Variants in ZMAT4 observed in about 807,000 individuals in gnomAD.
The protein encoded by ZMAT4 is zinc finger matrin-type protein 4.
Under a neutral mutation model 28.7 loss-of-function variants are expected in ZMAT4, and 17 were observed. That is an observed-to-expected ratio of 0.59 (90% confidence interval 0.41 to 0.89). ZMAT4 has a LOEUF of 0.89. ZMAT4 is among the 40% of genes least tolerant of loss of function. The pLI is 0.00. For synonymous variants in ZMAT4, 117 were observed against 109.2 expected (o/e 1.07, Z -0.44); for missense variants, 240 against 283.8 (o/e 0.85, Z 1.11).
intron 5 of ZMAT4, among the ~76,000 whole-genome samples, chr8:40,662,427 C>A (rs977867270): frequency 6.6e-6 from 1 of 152,106 alleles, no homozygotes; most frequent in Non-Finnish European, 1.5e-5. Flanking sequence ...TGTTTAAAAT[C>A]CGGATAGGTT....
chr8:40,671,897 A>G (rs1290780740), intron 5 of ZMAT4, among the ~76,000 whole-genome samples: 1 of 152,344 alleles, frequency 6.6e-6, no homozygotes, highest in East Asian at 1.9e-4. Context: ...AATGATTGCC[A>G]TGTTAAGAAT....
chr8:40,572,938 G>T (rs2599677), intron 6 of ZMAT4, among the ~76,000 whole-genome samples: 30,684 of 151,984 alleles, frequency 0.2, 3,777 homozygotes, highest in Non-Finnish European at 0.27. Context: ...CCTGACTTTT[G>T]CCTCTGCTAA....
rs575523265 is a variant in ZMAT4 at position 40,763,074 on chromosome 8, T to C, written c.192+4567A>G. The stretch of plus-strand genomic sequence containing the variant: ...GTCACTTTCCCCAGGAAAACTTATC[T>C]AGCCCCATCGTATCAGGAGAGGCCA... On this transcript the variant is annotated intron_variant, in intron 3 of 6. Transcript: ENST00000297737. 3.9e-5 allele frequency among the ~76,000 whole-genome samples: 6 copies of C among 152,322 alleles called. No individual in the cohort carries two copies. In the East Asian group the frequency reaches 9.7e-4, roughly 25 times the overall value.
At chr8:40,778,999 T>A (rs1563478373) in intron 2 of ZMAT4, among the ~76,000 whole-genome samples, 1 of 152,222 alleles carries the variant, frequency 6.6e-6, no homozygotes, top group Non-Finnish European at 1.5e-5. Flanking sequence ...CTGTATTTAA[T>A]CAATACTAAT....
chr8:40,884,004 T>C (rs759630995), intron 1 of ZMAT4, among the ~76,000 whole-genome samples: 7 of 152,134 alleles, frequency 4.6e-5, no homozygotes, highest in Non-Finnish European at 1.0e-4. Context: ...CCTTTTAATT[T>C]TGATTTAGAG....
chr8:40,659,018 G>T (rs1808062972), intron 5 of ZMAT4, among the ~76,000 whole-genome samples: 2 of 152,112 alleles, frequency 1.3e-5, no homozygotes, highest in Admixed American at 1.3e-4. Flanking sequence ...AGTAGAAATG[G>T]ATCCCCAAGA....
rs1160845372 is a variant in ZMAT4, at chr8:40,530,592, T to G, written c.*1631A>C. The G allele has an allele frequency of 6.6e-6, 1 of 152,282 alleles. No individual in the cohort carries two copies. Among genetic ancestry groups the G allele is most frequent in the Non-Finnish European group, 1.5e-5 (1 of 68,008 alleles). The allele number at this position is 152,282 out of a possible 1,614,324, so 9.4% of individuals were successfully genotyped here. ...ACTAAACCCAAACTGAAACAGTGTTTTGTTGTTGCTGCTGTTTTTACTCGG... is the reference window on the plus strand; with the variant it reads ...ACTAAACCCAAACTGAAACAGTGTTGTGTTGTTGCTGCTGTTTTTACTCGG... On this transcript the variant is annotated 3_prime_UTR_variant, in exon 7 of 7. Coordinates refer to ENST00000297737, the MANE Select transcript of ZMAT4 (RefSeq NM_024645.3).
Position 40,814,092 on chromosome 8 carries a change from G to A in ZMAT4, c.102+11483C>T, listed in dbSNP as rs906701404. Among the ~76,000 whole-genome samples, 24 of 151,636 alleles carry A rather than the reference G, an allele frequency of 1.6e-4. No individual in the cohort carries two copies. The East Asian group carries it at 4.3e-3, about 27-fold the overall frequency. On this transcript the variant is annotated intron_variant, in intron 2 of 6. Coordinates refer to ENST00000297737, the MANE Select transcript of ZMAT4 (RefSeq NM_024645.3). ...CCTGAACAGGTGCAGTTACGCATTC[G>A]TAGGATCCTCTGAGAAAGTGATAGC...
intron 5 of ZMAT4, among the ~76,000 whole-genome samples, chr8:40,588,355 A>C (rs1477838153): frequency 6.6e-6 from 1 of 152,088 alleles, no homozygotes; most frequent in Non-Finnish European, 1.5e-5. Context: ...TGCTGGGGGA[A>C]AAATATTTGT....
intron 1 of ZMAT4, among the ~76,000 whole-genome samples, chr8:40,884,093 G>A (rs1161617169): frequency 1.3e-5 from 2 of 152,128 alleles, no homozygotes; most frequent in East Asian, 3.9e-4. Flanking sequence ...CCACCCGCTG[G>A]ACTGAGGTCC....
intron 5 of ZMAT4, among the ~76,000 whole-genome samples, chr8:40,581,931 G>GTAA (rs1186535662): frequency 6.6e-6 from 1 of 152,176 alleles, no homozygotes; most frequent in Non-Finnish European, 1.5e-5. Flanking sequence ...TAAAAATCTT[G>GTAA]ACTGATCTAG....
At chr8:40,778,012 AGGGCTGT>A (rs1813676170) in intron 2 of ZMAT4, among the ~76,000 whole-genome samples, 1 of 152,244 alleles carries the variant, frequency 6.6e-6, no homozygotes, top group Non-Finnish European at 1.5e-5. Flanking sequence ...TATTCTGCAC[AGGGCTGT>A]TGCTCTTTAA....
chr8:40,891,712 G>C (rs955826946), intron 1 of ZMAT4, among the ~76,000 whole-genome samples: 1 of 152,114 alleles, frequency 6.6e-6, no homozygotes, highest in Admixed American at 6.5e-5. Context: ...CTACCTCCGT[G>C]CTGGGCACAA....
intron 1 of ZMAT4, among the ~76,000 whole-genome samples, chr8:40,855,128 T>A (rs1167454632): frequency 6.6e-6 from 1 of 152,190 alleles, no homozygotes; most frequent in African/African-American, 2.4e-5. Context: ...TGTGTTCATT[T>A]CAAATGACAC....
chr8:40,881,330 A>G (rs1189704796), intron 1 of ZMAT4, among the ~76,000 whole-genome samples: 2 of 151,198 alleles, frequency 1.3e-5, no homozygotes, highest in African/African-American at 2.4e-5. Flanking sequence ...TAGAGGTTTC[A>G]GTGAGCTGTG....
chr8:40,626,475 A>C (rs1806385409), intron 5 of ZMAT4, among the ~76,000 whole-genome samples: 1 of 152,210 alleles, frequency 6.6e-6, no homozygotes, highest in Admixed American at 6.5e-5. Context: ...TCCTGAACAT[A>C]TAAAACTCTT....
At chr8:40,891,698 G>A (rs1178411589) in intron 1 of ZMAT4, among the ~76,000 whole-genome samples, 1 of 152,114 alleles carries the variant, frequency 6.6e-6, no homozygotes, top group Admixed American at 6.5e-5. Flanking sequence ...AGATCCCCTA[G>A]TGCCTACCTC....
intron 5 of ZMAT4, among the ~76,000 whole-genome samples, chr8:40,666,220 G>A (rs566066727): frequency 1.9e-4 from 29 of 152,210 alleles, no homozygotes; most frequent in African/African-American, 6.3e-4. Context: ...TCAGACCATC[G>A]AAATTTATAA....
At chr8:40,864,391 A>G (rs1187971499) in intron 1 of ZMAT4, among the ~76,000 whole-genome samples, 1 of 152,242 alleles carries the variant, frequency 6.6e-6, no homozygotes, top group African/African-American at 2.4e-5. Context: ...GAAGTTGAGA[A>G]AAGTGGGTCT....
Sources: gnomAD v4.1 joint callset for allele counts (sites outside exome capture counted in the v4.1 genomes callset) on GRCh38, gnomAD v4.1.1 for gene constraint, MANE v1.5 for transcripts, NCBI Gene and HGNC (gene_info 2026-07-23, HGNC 2026-07-21) for gene names.